LIPM: variants seen among roughly 807,000 people sequenced by gnomAD.
LIPM encodes the protein lipase family member M.
Under a neutral mutation model 42.4 loss-of-function variants are expected in LIPM, and 42 were observed. That is an observed-to-expected ratio of 0.99 (90% CI 0.77 to 1.28). The LOEUF is 1.28. Among genes scored for constraint, LIPM ranks in the 50% most tolerant of loss-of-function variants. The pLI is 0.00. For synonymous variants in LIPM, 177 were observed against 173.3 expected, an observed-to-expected ratio of 1.02 and a Z score of -0.17; for missense variants, 524 against 520.1, an observed-to-expected ratio of 1.01 and a Z score of -0.07.
In LIPM at chr10:88,820,383, C is replaced by T; in HGVS notation, c.1154C>T (p.Ala385Val). 1 of 1,552,282 alleles carries T rather than the reference C, an allele frequency of 6.4e-7. No homozygotes were observed. Among genetic ancestry groups the T allele is most frequent in the Non-Finnish European group, 8.7e-7 (1 of 1,147,122 alleles). Residue 385 changes from alanine to valine, a missense_variant, in exon 9 of 9, where the codon GCT becomes GTT. Coordinates refer to ENST00000404743, the MANE Select transcript of LIPM (RefSeq NM_001128215.1). ...TACCATAAGAATATTCCTGAATGGG[C>T]TCACGTGGATTTCATCTGGGGTTTG... ...LIYHKNIPEW[A>V]HVDFIWGLDA...
chr10:88,815,137 G>A lies in LIPM; in HGVS notation c.624G>A (p.Met208Ile), dbSNP rs1004256695. 3.2e-6 allele frequency: 5 copies of A among 1,551,050 alleles called. No individual in the cohort carries two copies. The Admixed American group carries it at 5.9e-5, about 18-fold the overall frequency. Residue 208 changes from methionine to isoleucine, a missense_variant, in exon 5 of 9, where the codon ATG (methionine) becomes ATA (isoleucine). Coordinates refer to ENST00000404743, the MANE Select transcript of LIPM (RefSeq NM_001128215.1). ...TMPELAQKIK[M>I]YFALAPIATV... ...CAGAGCTGGCTCAGAAAATCAAAAT[G>A]TATTTTGCTTTAGCACCCATAGCCA... is the stretch of plus-strand genomic sequence containing the variant.
At chr10:88,815,538 G>A (rs1327018590) in intron 6 of LIPM, 35 bp downstream of exon 6, 1 of 1,544,790 alleles carries the variant, frequency 6.5e-7, no homozygotes. Flanking sequence ...CAGCATCCCA[G>A]CATAAAGCTG....
chr10:88,807,521 G>A (rs303527), intron 1 of LIPM, among the ~76,000 whole-genome samples: 128,552 of 152,258 alleles, frequency 0.84, 54,856 homozygotes, highest in East Asian at 1. Flanking sequence ...AAATTTTCCA[G>A]AGAATGTCTA....
intron 1 of LIPM, among the ~76,000 whole-genome samples, chr10:88,807,424 C>T (rs1362025176): frequency 6.6e-6 from 1 of 152,152 alleles, no homozygotes; most frequent in Non-Finnish European, 1.5e-5. Context: ...TTTAAAGCAG[C>T]CCCTGATGCA....
At chr10:88,803,619 G>GTTTTTTTTTTTTTTTTTTTTTTTT (rs34653288) in intron 1 of LIPM, among the ~76,000 whole-genome samples, 1 of 122,106 alleles carries the variant, frequency 8.2e-6, no homozygotes, top group African/African-American at 3.0e-5. Flanking sequence ...TTCCCAGGAG[G>GTTTTTTTTTTTTTTTTTTTTTTTT]TTTTTTTTTT....
At chr10:88,814,124 A>G (rs1843687860) in intron 3 of LIPM, among the ~76,000 whole-genome samples, 1 of 152,136 alleles carries the variant, frequency 6.6e-6, no homozygotes, top group Non-Finnish European at 1.5e-5. Context: ...TAAATTACCT[A>G]TTGATGTTCA....
Position 88,802,759 on chromosome 10 carries a change from G to A in LIPM, c.-138G>A, listed in dbSNP as rs769213044. 3.6e-6 allele frequency: 3 copies of A among 832,952 alleles called. No individual in the cohort carries two copies. In the East Asian group the frequency reaches 8.2e-5, roughly 23 times the overall value. 51.6% of individuals were successfully genotyped at this position (832,952 alleles called of 1,614,324 possible). On this transcript the variant is annotated 5_prime_UTR_variant, in exon 1 of 9. Transcript: ENST00000404743. Reference sequence around the variant, plus strand: ...TTTGTGTTCTTTCCCTACCAACTAAGCTTGCCTAATTTGCTTCAGAATTGG... The same window carrying A: ...TTTGTGTTCTTTCCCTACCAACTAAACTTGCCTAATTTGCTTCAGAATTGG...
At position 88,815,497 on chromosome 10, in the gene LIPM, G is replaced by A; in HGVS notation, c.852G>A (p.Met284Ile). 6.4e-7 allele frequency: 1 copy of A among 1,551,172 alleles called. No individual in the cohort carries two copies. The highest frequency in any genetic ancestry group is 8.7e-7 in the Non-Finnish European group (1 of 1,146,762). Reference protein sequence around the residue: ...LLLGGFNTNNMNMSRASVYAA... With the variant: ...LLLGGFNTNNINMSRASVYAA... Reference sequence around the variant, plus strand: ...TGGGTGGATTCAACACCAACAATATGAACATGGTAAGTGGGAGCCTAGTAA... The same window carrying A: ...TGGGTGGATTCAACACCAACAATATAAACATGGTAAGTGGGAGCCTAGTAA... Residue 284 changes from methionine (M) to isoleucine (I), a missense_variant, in exon 6 of 9, where the codon ATG becomes ATA. Met to Ile is a conservative substitution (Grantham distance 10). Transcript: ENST00000404743.
chr10:88,812,079 T>A (rs768966679), intron 2 of LIPM, among the ~76,000 whole-genome samples: 2 of 152,166 alleles, frequency 1.3e-5, no homozygotes, highest in South Asian at 4.1e-4. Flanking sequence ...TTCCTAAGGT[T>A]TTGTCTTTTT....
intron 1 of LIPM, among the ~76,000 whole-genome samples, chr10:88,804,882 A>G (rs1843567189): frequency 6.6e-6 from 1 of 152,224 alleles, no homozygotes; most frequent in Non-Finnish European, 1.5e-5. Context: ...CTGCTTTTCA[A>G]GGAGCAGTAC....
chr10:88,814,272 C>T (rs1240958635), intron 3 of LIPM, among the ~76,000 whole-genome samples: 1 of 152,168 alleles, frequency 6.6e-6, no homozygotes, highest in African/African-American at 2.4e-5. Context: ...GTTATGTGCT[C>T]AGTAAATATT....
In LIPM at chr10:88,814,538, A is replaced by C. The variant is rs1272604423; in HGVS notation, c.473A>C (p.Glu158Ala). ...QDEFWAFSYD[E>A]MARFDLPAVI... ...GTCTTTTCCCCTTGTAGTTATGATG[A>C]GATGGCTAGGTTTGACCTTCCTGCA... The change falls in exon 4 of 9, where the codon GAG becomes GCG. Residue 158 changes from glutamate to alanine, a missense_variant. Glu to Ala is a moderately radical substitution (Grantham distance 107, BLOSUM62 -1). Coordinates refer to ENST00000404743, the MANE Select transcript of LIPM (RefSeq NM_001128215.1). 6.5e-7 allele frequency: 1 copy of C among 1,549,602 alleles called. No individual in the cohort carries two copies. Among genetic ancestry groups the C allele is most frequent in the Non-Finnish European group, 8.7e-7 (1 of 1,145,188 alleles).
At chr10:88,810,835 G>T (rs969271024) in intron 2 of LIPM, among the ~76,000 whole-genome samples, 1 of 152,154 alleles carries the variant, frequency 6.6e-6, no homozygotes, top group Non-Finnish European at 1.5e-5. Context: ...TAGAACCAAG[G>T]TGACCTTAAC....
chr10:88,813,210 G>A lies in LIPM; in HGVS notation c.379G>A (p.Val127Met), dbSNP rs375513237. 24 of 1,613,654 alleles carry A rather than the reference G, an allele frequency of 1.5e-5. No homozygotes were observed. The highest frequency in any genetic ancestry group is 3.3e-4 in the Middle Eastern group (2 of 6,080). The change falls in exon 3 of 9, where the codon GTG (valine) becomes ATG (methionine). Residue 127 changes from valine to methionine, a missense_variant. Val to Met is a conservative substitution (Grantham distance 21). Transcript: ENST00000404743. ...GFILADAGFDVWMGNSRGNAW... is the reference protein window; with the variant it reads ...GFILADAGFDMWMGNSRGNAW... Reference sequence around the variant, plus strand: ...CATTCTGGCAGATGCTGGTTTTGACGTGTGGATGGGGAACAGCAGGGGAAA... The same window carrying A: ...CATTCTGGCAGATGCTGGTTTTGACATGTGGATGGGGAACAGCAGGGGAAA...
At chr10:88,810,501 C>T (rs1194807138) in intron 2 of LIPM, among the ~76,000 whole-genome samples, 1 of 137,746 alleles carries the variant, frequency 7.3e-6, no homozygotes, top group Non-Finnish European at 1.5e-5. Flanking sequence ...CAGAGGCAAT[C>T]TCCCATATCA....
rs368758084 is a variant in LIPM at position 88,813,236 on chromosome 10, C to T, written c.405C>T (p.Asn135=). The stretch of plus-strand genomic sequence containing the variant: ...TGTGGATGGGGAACAGCAGGGGAAA[C>T]GCCTGGTCTCGAAAACACAAGACAC... ...FDVWMGNSRG[N]AWSRKHKTLS... is the part of the protein sequence containing the mutation. Residue 135 remains asparagine (N), a synonymous_variant, in exon 3 of 9, where the codon AAC becomes AAT. Transcript: ENST00000404743. The T allele has an allele frequency of 8.8e-5, 142 of 1,612,976 alleles. No individual in the cohort carries two copies. Among genetic ancestry groups the T allele is most frequent in the African/African-American group, 6.3e-4 (47 of 74,822 alleles).
intron 8 of LIPM, 27 bp downstream of exon 8, chr10:88,817,923 A>C (rs985059359): frequency 1.3e-6 from 2 of 1,498,284 alleles, no homozygotes; most frequent in Non-Finnish European, 1.8e-6. Context: ...CCATCTGCTG[A>C]AAATATATAC....
intron 3 of LIPM, 59 bp from the exon 4 acceptor site, chr10:88,814,471 G>A (rs948516095): frequency 8.5e-7 from 1 of 1,177,738 alleles, no homozygotes; most frequent in African/African-American, 1.5e-5. Context: ...GTGTCGGGGG[G>A]AGCTTTTGTT....
intron 6 of LIPM, among the ~76,000 whole-genome samples, chr10:88,816,377 T>C (rs1843718579): frequency 6.6e-6 from 1 of 152,216 alleles, no homozygotes; most frequent in South Asian, 2.1e-4. Flanking sequence ...GAAAAGTATA[T>C]ATTATGTATC....
Sources: gnomAD v4.1 joint callset for allele counts (sites outside exome capture counted in the v4.1 genomes callset) on GRCh38, gnomAD v4.1.1 for gene constraint, MANE v1.5 for transcripts, NCBI Gene and HGNC (gene_info 2026-07-23, HGNC 2026-07-21) for gene names.